The following PCDHGA2 variants were observed in gnomAD, a reference collection of about 807,000 sequenced individuals.
PCDHGA2 encodes the protein protocadherin gamma-A2.
A neutral mutation model predicts 59.2 loss-of-function variants in PCDHGA2; 40 were observed. The ratio of observed to expected loss-of-function variants is 0.68; its 90% CI spans 0.52 to 0.88. The LOEUF (loss-of-function observed/expected upper bound fraction) is 0.88. PCDHGA2 is among the 40% of genes least tolerant of loss of function. PCDHGA2 has a pLI of 0.00. For missense variants in PCDHGA2, 1,226 were observed against 1,204.0 expected, an observed-to-expected ratio of 1.02 and a Z score of -0.27; for synonymous variants, 560 against 526.0, an observed-to-expected ratio of 1.06 and a Z score of -0.89.
intron 1 of PCDHGA2, chr5:141,405,288 T>C: frequency 6.2e-7 from 1 of 1,614,110 alleles, no homozygotes; most frequent in African/African-American, 1.3e-5. Context: ...GCAGACACAC[T>C]CATCAGCCAG....
chr5:141,501,125 C>A (rs2099805699), intron 2 of PCDHGA2, among the ~76,000 whole-genome samples: 1 of 152,140 alleles, frequency 6.6e-6, no homozygotes, highest in South Asian at 2.1e-4. Context: ...CCTCAGCCTC[C>A]CTAAGTGCTG....
Position 141,485,089 on chromosome 5 carries a change from G to A in PCDHGA2, c.2425-9718G>A. The stretch of plus-strand genomic sequence containing the variant: ...GAGCTGGCGCGGGGAAAGGGAGATA[G>A]GTGTCTCCAGCTGCTGTGGCTGTTT... On this transcript the variant is annotated intron_variant, in intron 1 of 3. Coordinates refer to ENST00000394576, the MANE Select transcript of PCDHGA2 (RefSeq NM_018915.4). This position sits in a 1 kb window ranked among gnomAD's most constrained non-coding sequence, Gnocchi z 5.7. 1 of 1,027,236 alleles carries A rather than the reference G, an allele frequency of 9.7e-7. No homozygotes were observed. The highest frequency in any genetic ancestry group is 1.5e-6 in the Non-Finnish European group (1 of 674,564). 63.6% of individuals were successfully genotyped at this position (1,027,236 alleles called of 1,614,324 possible). A position where few individuals can be genotyped will look rare whatever the true frequency, so the allele number is the denominator to read the frequency against.
intron 1 of PCDHGA2, chr5:141,422,819 TGA>T (rs766395950): frequency 1.9e-5 from 31 of 1,614,068 alleles, no homozygotes; most frequent in Middle Eastern, 1.6e-4. Flanking sequence ...GACTTAGAAC[TGA>T]GAGTGATAGC....
Position 141,476,129 on chromosome 5 carries a change from G to T in PCDHGA2, c.2425-18678G>T, listed in dbSNP as rs2099385585. 6.2e-7 allele frequency: 1 copy of T among 1,606,848 alleles called. No homozygotes were observed. The highest frequency in any genetic ancestry group is 1.3e-5 in the African/African-American group (1 of 75,000). On this transcript the variant is annotated intron_variant, in intron 1 of 3. Transcript: ENST00000394576. The surrounding 1 kb of genome is among the most constrained non-coding windows in gnomAD (Gnocchi z 7.6). ...GCTTTTGAGTGAGATGGTCCCAGAG[G>T]CCTGGAGGAGCGGACTGGTAAGCAC...
At position 141,512,114 on chromosome 5, in the gene PCDHGA2, C is replaced by T. The variant is rs2099884080; in HGVS notation, c.*941C>T. ...TAACTAGGCTGGACCCTTCCCACTA[C>T]ATAATAGGGCTCAGCCCAGGCAGCC... On this transcript the variant is annotated 3_prime_UTR_variant, in exon 4 of 4. Coordinates refer to ENST00000394576, the MANE Select transcript of PCDHGA2 (RefSeq NM_018915.4). 2 of 152,696 alleles carry T rather than the reference C, an allele frequency of 1.3e-5. No homozygotes were observed. Among genetic ancestry groups the T allele is most frequent in the African/African-American group, 4.8e-5 (2 of 41,468 alleles). 9.5% of individuals were successfully genotyped at this position (152,696 alleles called of 1,614,324 possible).
At chr5:141,472,219 A>C (rs2099274667) in intron 1 of PCDHGA2, among the ~76,000 whole-genome samples, 1 of 152,210 alleles carries the variant, frequency 6.6e-6, no homozygotes, top group Non-Finnish European at 1.5e-5. Context: ...CTTACTCTCG[A>C]TCATATAATA....
chr5:141,447,056 G>A (rs1452688256), intron 1 of PCDHGA2, among the ~76,000 whole-genome samples: 1 of 152,058 alleles, frequency 6.6e-6, no homozygotes, highest in Non-Finnish European at 1.5e-5. Flanking sequence ...CTATTAAAAT[G>A]TGTCAGGCTG....
intron 1 of PCDHGA2, chr5:141,357,170 C>G: frequency 6.2e-7 from 1 of 1,613,716 alleles, no homozygotes; most frequent in South Asian, 1.1e-5. Context: ...CTCTCGGCCA[C>G]CGTCACACTC....
chr5:141,399,112 G>A, intron 1 of PCDHGA2: 1 of 1,613,794 alleles, frequency 6.2e-7, no homozygotes, highest in African/African-American at 1.3e-5. Context: ...ACAATGTACA[G>A]TTGAAATTAA....
At chr5:141,390,919 A>C (rs1254063856) in intron 1 of PCDHGA2, 1 of 152,550 alleles carries the variant, frequency 6.6e-6, no homozygotes, top group Non-Finnish European at 1.5e-5. Flanking sequence ...AAAAAGGTCT[A>C]CTATGCTCAT....
intron 1 of PCDHGA2, chr5:141,350,697 G>A (rs777060876): frequency 1.2e-6 from 2 of 1,613,814 alleles, no homozygotes; most frequent in African/African-American, 1.3e-5. Flanking sequence ...GCCTTACCCG[G>A]GGTAAAATTC....
chr5:141,408,933 G>C, intron 1 of PCDHGA2: 1 of 1,613,550 alleles, frequency 6.2e-7, no homozygotes, highest in South Asian at 1.1e-5. Context: ...GTTTTCAGCA[G>C]AGACGAATAT....
At chr5:141,375,529 C>G (rs370346410) in intron 1 of PCDHGA2, 1 of 1,614,026 alleles carries the variant, frequency 6.2e-7, no homozygotes, top group African/African-American at 1.3e-5. Context: ...CTGACGTGGA[C>G]CAGAACGCCC....
At chr5:141,393,592 G>A (rs200863279) in intron 1 of PCDHGA2, 127 of 1,613,790 alleles carry the variant, frequency 7.9e-5, no homozygotes, top group Non-Finnish European at 1.0e-4. Context: ...CCAGGCACGC[G>A]GCTGCTTACT....
Position 141,485,844 on chromosome 5 carries a change from G to A in PCDHGA2, c.2425-8963G>A, listed in dbSNP as rs201857404. On this transcript the variant is annotated intron_variant, in intron 1 of 3. Transcript: ENST00000394576. The surrounding 1 kb of genome is among the most constrained non-coding windows in gnomAD (Gnocchi z 5.7). ...GATGGAGGGAACCCGCCGAGATCTGGCACCGCAGAGCTCCGGGTATCCGTG... is the reference window on the plus strand; with the variant it reads ...GATGGAGGGAACCCGCCGAGATCTGACACCGCAGAGCTCCGGGTATCCGTG... 6 of 1,613,890 alleles carry A rather than the reference G, an allele frequency of 3.7e-6. No homozygotes were observed. In the East Asian group the frequency reaches 1.1e-4, roughly 30 times the overall value.
intron 1 of PCDHGA2, chr5:141,378,349 C>T (rs1774833758): frequency 6.6e-6 from 1 of 152,158 alleles, no homozygotes; most frequent in African/African-American, 2.4e-5. Flanking sequence ...ATGGTGAAAC[C>T]CCGTCTCTAC....
intron 1 of PCDHGA2, chr5:141,350,802 A>G: frequency 1.2e-6 from 2 of 1,614,024 alleles, no homozygotes; most frequent in Non-Finnish European, 1.7e-6. Flanking sequence ...TCAACGAAGG[A>G]AAGTCCTGAT....
At chr5:141,364,319 A>G in intron 1 of PCDHGA2, 1 of 1,525,796 alleles carries the variant, frequency 6.6e-7, no homozygotes, top group Non-Finnish European at 8.8e-7. Context: ...AAAATTGGGC[A>G]GAGAGAAGGC....
rs2099419063 is a variant in PCDHGA2 at position 141,477,824 on chromosome 5, C to G, written c.2425-16983C>G. On this transcript the variant is annotated intron_variant, in intron 1 of 3. Coordinates refer to ENST00000394576, the MANE Select transcript of PCDHGA2 (RefSeq NM_018915.4). This position sits in a 1 kb window ranked among gnomAD's most constrained non-coding sequence, Gnocchi z 4.9. ...TGACAATGCCCCCCAGGTCCTATAT[C>G]CTCGGCCAGGTGGGAGCTCGGTGGA... is the stretch of plus-strand genomic sequence containing the variant. 5.6e-6 allele frequency: 9 copies of G among 1,614,196 alleles called. No individual in the cohort carries two copies. The highest frequency in any genetic ancestry group is 5.9e-6 in the Non-Finnish European group (7 of 1,180,034).
Sources: gnomAD v4.1 joint callset for allele counts (sites outside exome capture counted in the v4.1 genomes callset) on GRCh38, gnomAD v4.1.1 for gene constraint, Gnocchi (gnomAD v3.1) non-coding constraint, MANE v1.5 for transcripts, NCBI Gene and HGNC (gene_info 2026-07-23, HGNC 2026-07-21) for gene names.